Variants in AFF2 observed in about 807,000 individuals in gnomAD.
AFF2 encodes the protein AF4/FMR2 family member 2.
In AFF2, 14 loss-of-function variants were observed where a neutral mutation model predicts 76.9. The ratio of observed to expected loss-of-function variants is 0.18; its 90% CI spans 0.12 to 0.28. The LOEUF (loss-of-function observed/expected upper bound fraction) is 0.28, where lower values mean the gene tolerates loss of function less well. AFF2 is among the 10% of genes least tolerant of loss of function. AFF2 has a pLI of 1.00. For missense variants in AFF2, 868 were observed against 1,001.1 expected, an observed-to-expected ratio of 0.87 and a Z score of 1.79; for synonymous variants, 398 against 366.7, an observed-to-expected ratio of 1.09 and a Z score of -0.98.
intron 3 of AFF2, among the ~76,000 whole-genome samples, chrX:148,681,581 TGTGAGAGA>T (rs2054548574): frequency 1.4e-5 from 1 of 73,247 alleles, no homozygotes; most frequent in African/African-American, 4.6e-5. Flanking sequence ...TGTGTGTGTG[TGTGAGAGA>T]GAGAGAATGA....
intron 4 of AFF2, among the ~76,000 whole-genome samples, chrX:148,824,085 T>TCTCTCTC: frequency 2.1e-5 from 1 of 47,436 alleles, no homozygotes; most frequent in African/African-American, 1.2e-4. Context: ...CTCTCTCTCT[T>TCTCTCTC]CCTCTCTCAC....
intron 3 of AFF2, among the ~76,000 whole-genome samples, chrX:148,712,637 A>G (rs1456969020): frequency 8.9e-6 from 1 of 112,269 alleles, no homozygotes; most frequent in Non-Finnish European, 1.9e-5. Flanking sequence ...TCAATATGCA[A>G]TGAATTCAAT....
intron 3 of AFF2, among the ~76,000 whole-genome samples, chrX:148,753,164 G>C (rs1424913681): frequency 6.3e-5 from 7 of 111,459 alleles, no homozygotes; most frequent in African/African-American, 9.8e-5. Context: ...AACCATACCA[G>C]AATCACTCAA....
intron 9 of AFF2, among the ~76,000 whole-genome samples, chrX:148,949,460 C>T (rs1842300914): frequency 8.9e-6 from 1 of 112,082 alleles, no homozygotes; most frequent in South Asian, 3.8e-4. Flanking sequence ...ACTAGGGTCA[C>T]TGACTTGCTA....
chrX:148,940,917 A>G (rs1170926684), intron 9 of AFF2, among the ~76,000 whole-genome samples: 3 of 111,284 alleles, frequency 2.7e-5, no homozygotes, highest in African/African-American at 9.8e-5. Flanking sequence ...GAGAAGGGAG[A>G]CTATTAGCTA....
intron 1 of AFF2, among the ~76,000 whole-genome samples, chrX:148,617,901 G>A (rs1291113198): frequency 4.5e-5 from 5 of 111,886 alleles, no homozygotes; most frequent in Non-Finnish European, 7.5e-5. Context: ...TCCATTGAAA[G>A]GTATCTTTCC....
chrX:148,612,225 G>A (rs922562487), intron 1 of AFF2, among the ~76,000 whole-genome samples: 4 of 111,562 alleles, frequency 3.6e-5, no homozygotes, highest in Non-Finnish European at 7.6e-5. Flanking sequence ...CTAAGCCTCC[G>A]TCCATGTATC....
At chrX:148,975,435 A>T (rs1557290114) in intron 16 of AFF2, among the ~76,000 whole-genome samples, 2 of 112,179 alleles carry the variant, frequency 1.8e-5, no homozygotes, top group African/African-American at 6.5e-5. Flanking sequence ...GCAGCCGCAC[A>T]AAATATATTT....
chrX:148,909,110 G>T (rs1159513576), intron 9 of AFF2, among the ~76,000 whole-genome samples: 1 of 112,085 alleles, frequency 8.9e-6, no homozygotes, highest in Non-Finnish European at 1.9e-5. Context: ...GTTTTAATGA[G>T]CCCTTATTGT....
intron 3 of AFF2, among the ~76,000 whole-genome samples, chrX:148,721,829 C>T (rs141477991): frequency 2.7e-4 from 30 of 111,981 alleles, no homozygotes; most frequent in Non-Finnish European, 5.3e-4. Context: ...TTTTGGTAGC[C>T]CCGGGCGTTG....
At chrX:148,701,009 AGAATGTG>A (rs2054786041) in intron 3 of AFF2, among the ~76,000 whole-genome samples, 1 of 67,666 alleles carries the variant, frequency 1.5e-5, no homozygotes, top group Non-Finnish European at 2.8e-5. Context: ...AGAGAGAGAG[AGAATGTG>A]TGTGTGTGTG....
rs782089671 is a variant in AFF2 at position 148,965,624 on chromosome X, C to A, written c.2914-1166C>A. 2.7e-5 allele frequency among the ~76,000 whole-genome samples: 3 copies of A among 111,709 alleles called. No homozygotes were observed. In the South Asian group the frequency reaches 1.1e-3, roughly 43 times the overall value. On this transcript the variant is annotated intron_variant, in intron 13 of 20. Coordinates refer to ENST00000370460, the MANE Select transcript of AFF2 (RefSeq NM_002025.4). The stretch of plus-strand genomic sequence containing the variant: ...TCCTGCCATTAACAGAAAGACGAAA[C>A]TGGTTTGATTAGTGATTTGGTTTGC...
chrX:148,901,216 C>T (rs907338242), intron 8 of AFF2, among the ~76,000 whole-genome samples: 2 of 111,664 alleles, frequency 1.8e-5, no homozygotes, highest in Non-Finnish European at 1.9e-5. Context: ...ATTTCTGGCA[C>T]AGCACTCTCT....
Position 148,686,172 on chromosome X carries a change from C to T in AFF2, c.1041+23404C>T, listed in dbSNP as rs2054600264. On this transcript the variant is annotated intron_variant, in intron 3 of 20. Coordinates refer to ENST00000370460, the MANE Select transcript of AFF2 (RefSeq NM_002025.4). ...CTGTGAGAACTAATAAACATGATAACAAAATGTTGCATCTCATTAATTGTT... is the reference window on the plus strand; with the variant it reads ...CTGTGAGAACTAATAAACATGATAATAAAATGTTGCATCTCATTAATTGTT... Among the ~76,000 whole-genome samples the T allele has an allele frequency of 2.7e-5, 3 of 111,792 alleles. No individual in the cohort carries two copies. The Admixed American group carries it at 2.9e-4, about 11-fold the overall frequency.
At chrX:148,506,078 A>G (rs782289498) in intron 1 of AFF2, among the ~76,000 whole-genome samples, 1 of 110,691 alleles carries the variant, frequency 9.0e-6, no homozygotes, top group South Asian at 3.9e-4. Context: ...TAAAGACTCA[A>G]TTTCGTTTAA....
intron 3 of AFF2, among the ~76,000 whole-genome samples, chrX:148,672,008 G>A (rs782459003): frequency 8.1e-5 from 9 of 111,221 alleles, no homozygotes; most frequent in Non-Finnish European, 1.7e-4. Flanking sequence ...TGGATATATC[G>A]ATTAGTTCAG....
intron 1 of AFF2, among the ~76,000 whole-genome samples, chrX:148,516,374 C>T (rs1055000351): frequency 9.9e-5 from 11 of 111,551 alleles, no homozygotes; most frequent in African/African-American, 3.6e-4. Flanking sequence ...AACACCCCTC[C>T]GGATATCCTC....
At chrX:148,809,424 C>T (rs2070176126) in intron 3 of AFF2, among the ~76,000 whole-genome samples, 1 of 112,066 alleles carries the variant, frequency 8.9e-6, no homozygotes, top group Non-Finnish European at 1.9e-5. Context: ...TTACACAGGC[C>T]GTTATCCTTA....
intron 1 of AFF2, among the ~76,000 whole-genome samples, chrX:148,560,474 C>T (rs1353618323): frequency 8.9e-6 from 1 of 112,032 alleles, no homozygotes; most frequent in African/African-American, 3.2e-5. Context: ...TAGACATGGG[C>T]AAAGACTTGA....
Sources: allele counts gnomAD v4.1 joint callset (sites outside exome capture counted in the v4.1 genomes callset), GRCh38; gene constraint gnomAD v4.1.1; transcripts MANE v1.5; gene names NCBI Gene and HGNC (gene_info 2026-07-23, HGNC 2026-07-21).